Variants in ANO2 observed in about 807,000 individuals in gnomAD.
The protein encoded by ANO2 is anoctamin 2, also known as anoctamin-2.
In ANO2, 101 loss-of-function variants were observed where a neutral mutation model predicts 124.2. That is an observed-to-expected ratio of 0.81 (90% CI 0.69 to 0.96). The LOEUF is 0.96. ANO2 is among the 40% of genes least tolerant of loss of function. ANO2 has a pLI of 0.00. For missense variants in ANO2, 1,293 were observed against 1,274.5 expected, an observed-to-expected ratio of 1.01 and a Z score of -0.22; for synonymous variants, 486 against 482.5, an observed-to-expected ratio of 1.01 and a Z score of -0.09.
At chr12:5,852,848 C>CGTGTGTGTGTGTGTGTGT (rs71445682) in intron 4 of ANO2, among the ~76,000 whole-genome samples, 3 of 123,880 alleles carry the variant, frequency 2.4e-5, no homozygotes, top group African/African-American at 3.1e-5. Flanking sequence ...TGGAAAGGGA[C>CGTGTGTGTGTGTGTGTGT]GTGTGTGTGT....
At chr12:5,785,656 TAC>T (rs71445677) in intron 10 of ANO2, among the ~76,000 whole-genome samples, 72 of 149,388 alleles carry the variant, frequency 4.8e-4, no homozygotes, top group South Asian at 1.3e-3. Flanking sequence ...AGTCCTCTTG[TAC>T]ACACACACAC....
intron 14 of ANO2, among the ~76,000 whole-genome samples, chr12:5,652,582 T>C (rs149225622): frequency 1.2e-4 from 18 of 152,290 alleles, no homozygotes; most frequent in East Asian, 1.2e-3. Context: ...GAAGCTGTGA[T>C]AGTTTCTCAG....
chr12:5,764,264 T>C (rs1286288278), intron 10 of ANO2, among the ~76,000 whole-genome samples: 1 of 152,226 alleles, frequency 6.6e-6, no homozygotes, highest in Non-Finnish European at 1.5e-5. Flanking sequence ...GAGCAACAAT[T>C]TTATCTTTTC....
At chr12:5,637,130 G>T (rs1946065005) in intron 15 of ANO2, among the ~76,000 whole-genome samples, 1 of 152,100 alleles carries the variant, frequency 6.6e-6, no homozygotes, top group Non-Finnish European at 1.5e-5. Context: ...CTACTATCGT[G>T]TAACTGGGAA....
chr12:5,945,376 G>C, upstream of ANO2: 2 of 736,082 alleles, frequency 2.7e-6, no homozygotes, highest in Non-Finnish European at 3.4e-6. Flanking sequence ...CGCCGGCGCC[G>C]CGCAGCCACA....
intron 7 of ANO2, among the ~76,000 whole-genome samples, chr12:5,825,698 T>C (rs1953933884): frequency 6.6e-6 from 1 of 152,224 alleles, no homozygotes. Flanking sequence ...GAAATCAGTC[T>C]ACTACTCCAC....
intron 1 of ANO2, among the ~76,000 whole-genome samples, chr12:5,940,161 C>T (rs903565943): frequency 2.0e-5 from 3 of 152,162 alleles, no homozygotes; most frequent in East Asian, 3.8e-4. Context: ...TGAGGCTCCT[C>T]CTGGAATGCC....
chr12:5,901,486 A>C (rs1474685000), intron 3 of ANO2, among the ~76,000 whole-genome samples: 2 of 152,146 alleles, frequency 1.3e-5, no homozygotes, highest in African/African-American at 2.4e-5. Flanking sequence ...ACATAGGGAG[A>C]TATTACGTAA....
At chr12:5,774,052 A>G (rs1952159226) in intron 10 of ANO2, among the ~76,000 whole-genome samples, 1 of 152,234 alleles carries the variant, frequency 6.6e-6, no homozygotes, top group Non-Finnish European at 1.5e-5. Context: ...AAAAGCAGCC[A>G]GAGACTAGAA....
At position 5,563,173 on chromosome 12, in the gene ANO2, C is replaced by T; in HGVS notation, c.*126G>A. On this transcript the variant is annotated 3_prime_UTR_variant, in exon 25 of 25. Coordinates refer to ENST00000682330, the MANE Select transcript of ANO2 (RefSeq NM_001364791.2). ...GGCTCTTTCTTTTTACACACTGCCC[C>T]CTCTTCAAGACCCCATCAAGCCAGG... The T allele has an allele frequency of 7.9e-7, 1 of 1,266,848 alleles. No homozygotes were observed. Among genetic ancestry groups the T allele is most frequent in the African/African-American group, 1.5e-5 (1 of 66,496 alleles). The allele number at this position is 1,266,848 out of a possible 1,614,324, so 78.5% of individuals were successfully genotyped here.
chr12:5,780,875 C>G (rs1952371635), intron 10 of ANO2, among the ~76,000 whole-genome samples: 1 of 152,188 alleles, frequency 6.6e-6, no homozygotes. Flanking sequence ...AAAAAGGAAA[C>G]CTTGATGACT....
intron 3 of ANO2, among the ~76,000 whole-genome samples, chr12:5,886,279 A>G (rs1303068282): frequency 1.3e-5 from 2 of 152,252 alleles, no homozygotes; most frequent in African/African-American, 4.8e-5. Context: ...TATACACACA[A>G]TGGAATACTA....
chr12:5,615,288 TTCGGAACC>T lies in ANO2; in HGVS notation c.1818_1825del (p.Val607AsnfsTer6). 6.2e-7 allele frequency: 1 copy of T among 1,612,648 alleles called. No homozygotes were observed. Among genetic ancestry groups the T allele is most frequent in the Non-Finnish European group, 8.5e-7 (1 of 1,179,282 alleles). ...GCGCTCTTCAAAAGTCTGTTCTGTT[TTCGGAACC>T]TCTGTAAGAGAAGAGCGAGGCTGAT... On this transcript the variant is annotated frameshift_variant and splice_region_variant, in exon 17 of 25. Transcript: ENST00000682330. LOFTEE classifies it high-confidence loss of function.
chr12:5,669,664 C>T (rs965541575), intron 14 of ANO2, among the ~76,000 whole-genome samples: 1 of 152,152 alleles, frequency 6.6e-6, no homozygotes, highest in African/African-American at 2.4e-5. Flanking sequence ...ATGATATTGG[C>T]TGTGGGTTTG....
chr12:5,889,598 C>A (rs1258737672), intron 3 of ANO2, among the ~76,000 whole-genome samples: 1 of 152,274 alleles, frequency 6.6e-6, no homozygotes, highest in Non-Finnish European at 1.5e-5. Flanking sequence ...TGTCCCATCT[C>A]CTTCCCCAGA....
chr12:5,713,057 C>T (rs1949872488), intron 14 of ANO2, among the ~76,000 whole-genome samples: 1 of 152,176 alleles, frequency 6.6e-6, no homozygotes, highest in Admixed American at 6.5e-5. Context: ...ACCTCTGACA[C>T]AGTGTGGAGA....
At chr12:5,686,800 C>T (rs1358067532) in intron 14 of ANO2, among the ~76,000 whole-genome samples, 1 of 152,214 alleles carries the variant, frequency 6.6e-6, no homozygotes, top group Admixed American at 6.5e-5. Flanking sequence ...ACACCAGTTC[C>T]ATCAATGCCC....
At chr12:5,655,238 A>G (rs1422686341) in intron 14 of ANO2, among the ~76,000 whole-genome samples, 2 of 152,100 alleles carry the variant, frequency 1.3e-5, no homozygotes, top group Admixed American at 1.3e-4. Flanking sequence ...TTTCTGTCTC[A>G]TTTGGAGAGA....
Position 5,647,678 on chromosome 12 carries a change from G to A in ANO2, c.1620+49C>T, listed in dbSNP as rs1218433913. On this transcript the variant is annotated intron_variant, in intron 15 of 24. Coordinates refer to ENST00000682330, the MANE Select transcript of ANO2 (RefSeq NM_001364791.2). ...TAATACCCACAGTAGTCACATAACA[G>A]CATCTACATGCATGCAGTCACAGGC... The A allele has an allele frequency of 2.2e-6, 3 of 1,345,446 alleles. No homozygotes were observed. The African/African-American group carries it at 4.3e-5, about 19-fold the overall frequency. 83.3% of individuals were successfully genotyped at this position (1,345,446 alleles called of 1,614,324 possible). A position where few individuals can be genotyped will look rare whatever the true frequency, so the allele number is the denominator to read the frequency against.
Sources: gnomAD v4.1 joint callset for allele counts (sites outside exome capture counted in the v4.1 genomes callset) on GRCh38, gnomAD v4.1.1 for gene constraint, MANE v1.5 for transcripts, NCBI Gene and HGNC (gene_info 2026-07-23, HGNC 2026-07-21) for gene names.